The following SERPINB9 variants were observed in gnomAD, a reference collection of about 807,000 sequenced individuals.
SERPINB9 encodes the protein serpin family B member 9.
Under a neutral mutation model 27.2 loss-of-function variants are expected in SERPINB9, and 20 were observed. The observed-to-expected ratio is 0.74, with a 90% CI of 0.52 to 1.07. The LOEUF (loss-of-function observed/expected upper bound fraction) is 1.07, where lower values mean the gene tolerates loss of function less well. Ranked by LOEUF, SERPINB9 falls within the 50% of genes least tolerant of loss-of-function variation. The probability of loss-of-function intolerance (pLI) is 0.00; values close to 1 mark genes in which losing one functional copy is unlikely to be tolerated. For synonymous variants in SERPINB9, 189 were observed against 180.0 expected (o/e 1.05, Z -0.40); for missense variants, 476 against 460.1 (o/e 1.03, Z -0.32).
In SERPINB9 at chr6:2,890,870, A is replaced by T. The variant is rs1274775694; in HGVS notation, c.724-300T>A. Among the ~76,000 whole-genome samples the T allele has an allele frequency of 6.6e-6, 1 of 151,992 alleles. No individual in the cohort carries two copies. Among genetic ancestry groups the T allele is most frequent in the African/African-American group, 2.4e-5 (1 of 41,366 alleles). ...TGTGACAAGTGTCAATGCCCAGGCG[A>T]CTGTGTTTTTTTTTCAAACATAGTC... On this transcript the variant is annotated intron_variant, in intron 6 of 6. Transcript: ENST00000380698. The surrounding 1 kb of genome is among the most constrained non-coding windows in gnomAD (Gnocchi z 6.2).
At position 2,887,800 on chromosome 6, in the gene SERPINB9, T is replaced by A. The variant is rs575979121; in HGVS notation, c.*2363A>T. 1.5e-5 allele frequency: 2 copies of A among 134,136 alleles called. No homozygotes were observed. The highest frequency in any genetic ancestry group is 5.8e-5 in the African/African-American group (2 of 34,546). The allele number at this position is 134,136 out of a possible 1,614,324, so 8.3% of individuals were successfully genotyped here. On this transcript the variant is annotated 3_prime_UTR_variant, in exon 7 of 7. Coordinates refer to ENST00000380698, the MANE Select transcript of SERPINB9 (RefSeq NM_004155.6). ...AGGAGGAGGTTGCAGTGAGCCCAGATCATGCCACTACACTCCAGCCTGGGT... is the reference window on the plus strand; with the variant it reads ...AGGAGGAGGTTGCAGTGAGCCCAGAACATGCCACTACACTCCAGCCTGGGT...
chr6:2,896,668 A>G (rs1768011026), intron 2 of SERPINB9, among the ~76,000 whole-genome samples: 1 of 152,248 alleles, frequency 6.6e-6, no homozygotes, highest in South Asian at 2.1e-4. Context: ...GGCCATAAGA[A>G]AAGTCTCAAC....
intron 1 of SERPINB9, among the ~76,000 whole-genome samples, chr6:2,902,327 C>T (rs1768233288): frequency 6.6e-6 from 1 of 152,088 alleles, no homozygotes; most frequent in African/African-American, 2.4e-5. Context: ...AAGGTGATTC[C>T]TCATCTTGCT....
Position 2,891,788 on chromosome 6 carries a change from G to A in SERPINB9, c.723+45C>T. The A allele has an allele frequency of 1.3e-6, 2 of 1,542,322 alleles. No individual in the cohort carries two copies. The highest frequency in any genetic ancestry group is 1.7e-6 in the Non-Finnish European group (2 of 1,153,118). On this transcript the variant is annotated intron_variant, in intron 6 of 6. Coordinates refer to ENST00000380698, the MANE Select transcript of SERPINB9 (RefSeq NM_004155.6). The surrounding 1 kb of genome is among the most constrained non-coding windows in gnomAD (Gnocchi z 4.0). ...GAGGTGGAAGTGGCACTCGAGTTCT[G>A]CCCGCAAAGGTGTCCCTGGGTTCTT...
At chr6:2,898,106 CAAAA>C (rs1251906243) in intron 2 of SERPINB9, among the ~76,000 whole-genome samples, 2 of 149,982 alleles carry the variant, frequency 1.3e-5, no homozygotes, top group Non-Finnish European at 3.0e-5. Flanking sequence ...ACAAAACAAA[CAAAA>C]AACAGAATCT....
intron 2 of SERPINB9, among the ~76,000 whole-genome samples, chr6:2,897,467 A>G (rs898033838): frequency 1.3e-5 from 2 of 152,228 alleles, no homozygotes; most frequent in Non-Finnish European, 2.9e-5. Context: ...CTCCTTCTCA[A>G]AAAACAAACA....
chr6:2,896,143 C>A lies in SERPINB9; in HGVS notation c.216G>T (p.Ser72=), dbSNP rs539752996. Residue 72 remains serine, a synonymous_variant, in exon 3 of 7, where the codon TCG becomes TCT. Transcript: ENST00000380698. ...CAGCCTTGTTCACTTCAGTGAGAAG[C>A]GACTGGAAAGCCCGATGAATGTCTT... ...TEEDIHRAFQ[S]LLTEVNKAGT... 1.9e-6 allele frequency: 3 copies of A among 1,613,914 alleles called. No individual in the cohort carries two copies. The highest frequency in any genetic ancestry group is 2.2e-5 in the East Asian group (1 of 44,880).
rs774211214 is a variant in SERPINB9, at chr6:2,888,814, A to G, written c.*1349T>C. On this transcript the variant is annotated 3_prime_UTR_variant, in exon 7 of 7. Transcript: ENST00000380698. ...GTGGCACTGAACTTCTCACTTTAAA[A>G]TAGTTAATTTTATGTTATGTGAAGT... 1.3e-5 allele frequency: 2 copies of G among 152,180 alleles called. No individual in the cohort carries two copies. Among genetic ancestry groups the G allele is most frequent in the Non-Finnish European group, 2.9e-5 (2 of 68,042 alleles). The allele number at this position is 152,180 out of a possible 1,614,324, so 9.4% of individuals were successfully genotyped here. A position where few individuals can be genotyped will look rare whatever the true frequency, so the allele number is the denominator to read the frequency against.
intron 5 of SERPINB9, 67 bp downstream of exon 5, chr6:2,893,344 T>A (rs765836582): frequency 1.6e-5 from 24 of 1,520,690 alleles, no homozygotes; most frequent in Non-Finnish European, 2.1e-5. Context: ...CTTACACTTT[T>A]ACAAAGTTAA....
Position 2,893,606 on chromosome 6 carries a change from C to T in SERPINB9, c.425-53G>A. The T allele has an allele frequency of 1.2e-5, 18 of 1,486,368 alleles. No individual in the cohort carries two copies. In the South Asian group the frequency reaches 2.0e-4, roughly 17 times the overall value. 92.1% of individuals were successfully genotyped at this position (1,486,368 alleles called of 1,614,324 possible). On this transcript the variant is annotated intron_variant, in intron 4 of 6. Transcript: ENST00000380698. The stretch of plus-strand genomic sequence containing the variant: ...AGTTGCTTTTTATAAGAACCTGATG[C>T]ATTGGATGATCCTGGATCATTAGTT...
chr6:2,902,345 C>A (rs1768234224), intron 1 of SERPINB9, among the ~76,000 whole-genome samples: 1 of 151,876 alleles, frequency 6.6e-6, no homozygotes. Context: ...GCTGGTGGTC[C>A]CCACAGACCG....
Position 2,903,184 on chromosome 6 carries a change from C to A in SERPINB9, c.-11+17G>T, listed in dbSNP as rs1768258943. The A allele has an allele frequency of 6.6e-6, 1 of 152,326 alleles. No individual in the cohort carries two copies. Among genetic ancestry groups the A allele is most frequent in the South Asian group, 2.1e-4 (1 of 4,832 alleles). The allele number at this position is 152,326 out of a possible 1,614,324, so 9.4% of individuals were successfully genotyped here. The stretch of plus-strand genomic sequence containing the variant: ...ACTCCCGTCCCCTACCCCAGCCGTG[C>A]GCGGGGACGCCCTCACCTGCCACCT... On this transcript the variant is annotated intron_variant, in intron 1 of 6. Transcript: ENST00000380698. This position sits in a 1 kb window ranked among gnomAD's most constrained non-coding sequence, Gnocchi z 5.2.
In SERPINB9 at chr6:2,890,956, G is replaced by A. The variant is rs1171868413; in HGVS notation, c.724-386C>T. 6.6e-6 allele frequency among the ~76,000 whole-genome samples: 1 copy of A among 152,154 alleles called. No individual in the cohort carries two copies. ...AGGATTGGAAACGAAAGGGCTCTCAGTGTGAGCCACTCCAACAGGATTATC... is the reference window on the plus strand; with the variant it reads ...AGGATTGGAAACGAAAGGGCTCTCAATGTGAGCCACTCCAACAGGATTATC... On this transcript the variant is annotated intron_variant, in intron 6 of 6. Transcript: ENST00000380698. This position sits in a 1 kb window ranked among gnomAD's most constrained non-coding sequence, Gnocchi z 6.2.
At chr6:2,892,857 C>T (rs1767856384) in intron 5 of SERPINB9, among the ~76,000 whole-genome samples, 1 of 151,784 alleles carries the variant, frequency 6.6e-6, no homozygotes, top group Non-Finnish European at 1.5e-5. Flanking sequence ...ACTTCAATGT[C>T]AAAACTAAGG....
chr6:2,890,398 T>A lies in SERPINB9; in HGVS notation c.896A>T (p.Asp299Val). The change falls in exon 7 of 7, where the codon GAC (aspartate) becomes GTC (valine). Residue 299 changes from aspartate (D) to valine (V), a missense_variant. Coordinates refer to ENST00000380698, the MANE Select transcript of SERPINB9 (RefSeq NM_004155.6). This position sits in a 1 kb window ranked among gnomAD's most constrained non-coding sequence, Gnocchi z 6.2. ...TCTCTCCGCTGACATTGCCGACAAG[T>A]CAGCCTTGCCCTGTTGGAAGGCATC... ...IVDAFQQGKA[D>V]LSAMSAERDL... 6.2e-7 allele frequency: 1 copy of A among 1,614,182 alleles called. No homozygotes were observed. Among genetic ancestry groups the A allele is most frequent in the South Asian group, 1.1e-5 (1 of 91,078 alleles).
rs189053519 is a variant in SERPINB9, at chr6:2,887,572, C to T, written c.*2591G>A. Reference sequence around the variant, plus strand: ...TAAAAGATACTGAACTAGGGCTGGGCTCAGTGGCTTATGCCTGTAATCCTA... The same window carrying T: ...TAAAAGATACTGAACTAGGGCTGGGTTCAGTGGCTTATGCCTGTAATCCTA... On this transcript the variant is annotated 3_prime_UTR_variant, in exon 7 of 7. Transcript: ENST00000380698. 1 of 152,240 alleles carries T rather than the reference C, an allele frequency of 6.6e-6. No individual in the cohort carries two copies. The highest frequency in any genetic ancestry group is 2.4e-5 in the African/African-American group (1 of 41,542). The allele number at this position is 152,240 out of a possible 1,614,324, so 9.4% of individuals were successfully genotyped here. A position where few individuals can be genotyped will look rare whatever the true frequency, so the allele number is the denominator to read the frequency against.
intron 4 of SERPINB9, among the ~76,000 whole-genome samples, chr6:2,895,039 G>A (rs1031696741): frequency 6.6e-6 from 1 of 152,136 alleles, no homozygotes; most frequent in Non-Finnish European, 1.5e-5. Flanking sequence ...TTACAGGCGA[G>A]AGCCACCGTG....
At position 2,894,270 on chromosome 6, in the gene SERPINB9, A is replaced by G. The variant is rs1767920819; in HGVS notation, c.425-717T>C. Among the ~76,000 whole-genome samples, 1 of 152,190 alleles carries G rather than the reference A, an allele frequency of 6.6e-6. No individual in the cohort carries two copies. The highest frequency in any genetic ancestry group is 1.5e-5 in the Non-Finnish European group (1 of 68,030). ...AACGTCTCCCATTCTTTACCGTCTC[A>G]TTTATTCACAGAAATGGAAATGTTC... On this transcript the variant is annotated intron_variant, in intron 4 of 6. Coordinates refer to ENST00000380698, the MANE Select transcript of SERPINB9 (RefSeq NM_004155.6). The surrounding 1 kb of genome is among the most constrained non-coding windows in gnomAD (Gnocchi z 4.7).
rs184429527 is a variant in SERPINB9, at chr6:2,890,309, C to A, written c.985G>T (p.Ala329Ser). 2.5e-4 allele frequency: 398 copies of A among 1,614,224 alleles called. 2 individuals are homozygous for A. The Admixed American group carries it at 3.9e-3, about 16-fold the overall frequency. The change falls in exon 7 of 7, where the codon GCA becomes TCA. Residue 329 changes from alanine (A) to serine (S), a missense_variant. Coordinates refer to ENST00000380698, the MANE Select transcript of SERPINB9 (RefSeq NM_004155.6). This position sits in a 1 kb window ranked among gnomAD's most constrained non-coding sequence, Gnocchi z 6.2. The stretch of plus-strand genomic sequence containing the variant: ...ACAAAGCAGCTCGACGCTGCCGCTG[C>A]CTCGGTGCCTTCTTCATTCACCTCC... Reference protein sequence around the residue: ...FVEVNEEGTEAAAASSCFVVA... With the variant: ...FVEVNEEGTESAAASSCFVVA...
Sources: gnomAD v4.1 joint callset for allele counts (sites outside exome capture counted in the v4.1 genomes callset) on GRCh38, gnomAD v4.1.1 for gene constraint, Gnocchi (gnomAD v3.1) non-coding constraint, MANE v1.5 for transcripts, NCBI Gene and HGNC (gene_info 2026-07-23, HGNC 2026-07-21) for gene names.